KCNT2: variants seen among roughly 807,000 people sequenced by gnomAD.
KCNT2 encodes the protein potassium sodium-activated channel subfamily T member 2.
Under a neutral mutation model 153.8 loss-of-function variants are expected in KCNT2, and 67 were observed. The observed-to-expected ratio is 0.44, with a 90% CI of 0.36 to 0.53. The LOEUF (loss-of-function observed/expected upper bound fraction) is 0.53. Ranked by LOEUF, KCNT2 falls within the 20% of genes least tolerant of loss-of-function variation. The pLI is 0.00. For synonymous variants in KCNT2, 500 were observed against 458.8 expected, an observed-to-expected ratio of 1.09 and a Z score of -1.15; for missense variants, 975 against 1,354.8, an observed-to-expected ratio of 0.72 and a Z score of 4.40.
intron 5 of KCNT2, among the ~76,000 whole-genome samples, chr1:196,469,553 A>C (rs1411421064): frequency 1.3e-5 from 2 of 152,140 alleles, no homozygotes; most frequent in African/African-American, 4.8e-5. Flanking sequence ...TCTAGACTCT[A>C]ATCTCCCTAC....
At chr1:196,299,874 C>T (rs1183406405) in intron 22 of KCNT2, among the ~76,000 whole-genome samples, 1 of 151,926 alleles carries the variant, frequency 6.6e-6, no homozygotes, top group Non-Finnish European at 1.5e-5. Flanking sequence ...AGATGACTGG[C>T]TAAAGAAAAT....
intron 13 of KCNT2, among the ~76,000 whole-genome samples, chr1:196,389,200 A>G (rs1670262756): frequency 6.6e-6 from 1 of 151,722 alleles, no homozygotes; most frequent in Non-Finnish European, 1.5e-5. Context: ...AGGTAACAGT[A>G]TGTTCTTTCT....
At chr1:196,464,886 C>G (rs777136615) in intron 8 of KCNT2, among the ~76,000 whole-genome samples, 3 of 151,978 alleles carry the variant, frequency 2.0e-5, no homozygotes, top group African/African-American at 7.2e-5. Flanking sequence ...GCACAGAAAG[C>G]AGAGGCAGAA....
chr1:196,477,534 C>T (rs1678644816), intron 5 of KCNT2, among the ~76,000 whole-genome samples: 1 of 152,012 alleles, frequency 6.6e-6, no homozygotes, highest in Admixed American at 6.5e-5. Flanking sequence ...TGCAGTGAGC[C>T]ATAATCATGC....
chr1:196,526,913 T>C (rs550105563), intron 1 of KCNT2, among the ~76,000 whole-genome samples: 1 of 152,168 alleles, frequency 6.6e-6, no homozygotes, highest in Non-Finnish European at 1.5e-5. Context: ...AGTACCAGTC[T>C]GTGACCTGTT....
intron 21 of KCNT2, among the ~76,000 whole-genome samples, chr1:196,309,670 G>C (rs1661974772): frequency 6.6e-6 from 1 of 151,688 alleles, no homozygotes; most frequent in Non-Finnish European, 1.5e-5. Flanking sequence ...ACTATTACTT[G>C]TATTCAGTTA....
At chr1:196,329,879 ATGTGTGTGTGTG>A (rs57881763) in intron 18 of KCNT2, among the ~76,000 whole-genome samples, 5 of 124,788 alleles carry the variant, frequency 4.0e-5, no homozygotes, top group African/African-American at 1.6e-4. Flanking sequence ...ATACACTTAT[ATGTGTGTGTGTG>A]TGTGTGTGTG....
intron 1 of KCNT2, among the ~76,000 whole-genome samples, chr1:196,493,628 T>C (rs1282176323): frequency 6.6e-6 from 1 of 152,132 alleles, no homozygotes; most frequent in African/African-American, 2.4e-5. Flanking sequence ...GGTATACACA[T>C]GCCATGTGTA....
intron 1 of KCNT2, among the ~76,000 whole-genome samples, chr1:196,549,307 TG>T (rs2148893057): frequency 6.6e-6 from 1 of 152,024 alleles, no homozygotes; most frequent in African/African-American, 2.4e-5. Context: ...AATTATGATG[TG>T]GGAAACTTCA....
rs929737905 is a variant in KCNT2 at position 196,569,468 on chromosome 1, G to C, written c.95+38747C>G. ...CAATAAAAAATATTTAACTTTTATT[G>C]GGATTGAAATAAAGCTGTGAATTTA... On this transcript the variant is annotated intron_variant, in intron 1 of 27. Coordinates refer to ENST00000294725, the MANE Select transcript of KCNT2 (RefSeq NM_198503.5). Among the ~76,000 whole-genome samples the C allele has an allele frequency of 3.3e-5, 5 of 152,032 alleles. No individual in the cohort carries two copies. In the South Asian group the frequency reaches 8.3e-4, roughly 25 times the overall value.
At chr1:196,327,781 C>G (rs1297891610) in intron 18 of KCNT2, among the ~76,000 whole-genome samples, 8 of 151,044 alleles carry the variant, frequency 5.3e-5, no homozygotes, top group Admixed American at 1.3e-4. Flanking sequence ...ATTCTCCCAC[C>G]TCAGCCTCCC....
chr1:196,532,802 A>G (rs924552396), intron 1 of KCNT2, among the ~76,000 whole-genome samples: 3 of 152,050 alleles, frequency 2.0e-5, no homozygotes, highest in African/African-American at 7.2e-5. Context: ...TTAATAATCA[A>G]GCTCATAATC....
chr1:196,522,273 G>A (rs376437599), intron 1 of KCNT2, among the ~76,000 whole-genome samples: 5 of 152,202 alleles, frequency 3.3e-5, no homozygotes, highest in South Asian at 2.1e-4. Context: ...ATTTAGTTTA[G>A]GTGTCCATAA....
intron 1 of KCNT2, among the ~76,000 whole-genome samples, chr1:196,547,907 C>T (rs569679478): frequency 6.6e-6 from 1 of 151,804 alleles, no homozygotes; most frequent in East Asian, 1.9e-4. Context: ...AAAACTATTT[C>T]AGATATAAAT....
chr1:196,285,812 T>G, intron 22 of KCNT2, 54 bp from the exon 23 acceptor site: 1 of 989,410 alleles, frequency 1.0e-6, no homozygotes, highest in Non-Finnish European at 1.6e-6. Flanking sequence ...TTTTATGCAT[T>G]TCTGCCTCAG....
At chr1:196,550,416 C>G (rs758421582) in intron 1 of KCNT2, among the ~76,000 whole-genome samples, 19 of 151,830 alleles carry the variant, frequency 1.3e-4, no homozygotes, top group Non-Finnish European at 2.4e-4. Context: ...AACCAAGGCA[C>G]ATTTTATGAT....
chr1:196,302,860 A>G (rs1350023253), intron 22 of KCNT2, among the ~76,000 whole-genome samples: 1 of 152,026 alleles, frequency 6.6e-6, no homozygotes, highest in Non-Finnish European at 1.5e-5. Flanking sequence ...TGGATCAAAG[A>G]ATTTTCCACA....
chr1:196,525,887 AAGGT>A, intron 1 of KCNT2, among the ~76,000 whole-genome samples: 1 of 152,006 alleles, frequency 6.6e-6, no homozygotes, highest in Non-Finnish European at 1.5e-5. Flanking sequence ...TACATAAAAC[AAGGT>A]TATGTATTGA....
At chr1:196,228,415 T>A (rs1230219956) in intron 27 of KCNT2, 80 bp from the exon 28 acceptor site, 1 of 731,872 alleles carries the variant, frequency 1.4e-6, no homozygotes, top group Non-Finnish European at 2.3e-6. Flanking sequence ...TTCATATTTC[T>A]AATTTATTTG....
Sources: allele counts gnomAD v4.1 joint callset (sites outside exome capture counted in the v4.1 genomes callset), GRCh38; gene constraint gnomAD v4.1.1; transcripts MANE v1.5; gene names NCBI Gene and HGNC (gene_info 2026-07-23, HGNC 2026-07-21).